GNB1: variants seen among roughly 807,000 people sequenced by gnomAD.
GNB1 encodes guanine nucleotide-binding protein G(I)/G(S)/G(T) subunit beta-1.
In GNB1, 2 loss-of-function variants were observed where a neutral mutation model predicts 42.9. The ratio of observed to expected loss-of-function variants is 0.05; its 90% CI spans 0.02 to 0.15. GNB1 has a LOEUF of 0.15. Ranked by LOEUF, GNB1 falls within the 10% of genes least tolerant of loss-of-function variation. GNB1 has a pLI of 1.00. For missense variants in GNB1, 193 were observed against 462.2 expected, an observed-to-expected ratio of 0.42 and a Z score of 5.34; for synonymous variants, 183 against 174.7, an observed-to-expected ratio of 1.05 and a Z score of -0.38.
chr1:1,882,001 C>T lies in GNB1; in HGVS notation c.-96+8819G>A, dbSNP rs1649873916. Among the ~76,000 whole-genome samples, 2 of 152,102 alleles carry T rather than the reference C, an allele frequency of 1.3e-5. 1 individual carries two copies. Among genetic ancestry groups the T allele is most frequent in the South Asian group, 4.1e-4 (2 of 4,820 alleles). ...CAAAGCTTTTTTTAATGAGAAGCTG[C>T]CACTGAACTCTGGACAGGGTGGTGT... On this transcript the variant is annotated intron_variant, in intron 1 of 11. Coordinates refer to ENST00000378609, the MANE Select transcript of GNB1 (RefSeq NM_002074.5).
chr1:1,831,555 TC>T (rs769962221), intron 2 of GNB1, among the ~76,000 whole-genome samples: 220 of 152,018 alleles, frequency 1.4e-3, no homozygotes, highest in Non-Finnish European at 2.7e-3. Context: ...TTCAAGCGAT[TC>T]TCCTTCCTCA....
intron 1 of GNB1, among the ~76,000 whole-genome samples, chr1:1,865,123 G>A (rs1341559217): frequency 1.3e-5 from 2 of 151,412 alleles, no homozygotes; most frequent in Admixed American, 6.6e-5. Flanking sequence ...TTAGCCAGGC[G>A]TGGTGGCGGG....
rs1380160228 is a variant in GNB1, at chr1:1,885,549, A to ATTTTTTT, written c.-96+5270_-96+5271insAAAAAAA. On this transcript the variant is annotated intron_variant, in intron 1 of 11. Transcript: ENST00000378609. ...ATAAATAAGGAAATACTTCCACTTA[A>ATTTTTTT]TCTTTTTTTTTTTTTTTTTTTTTGT... 8.7e-4 allele frequency among the ~76,000 whole-genome samples: 122 copies of ATTTTTTT among 140,688 alleles called. 2 individuals are homozygous for ATTTTTTT. The highest frequency in any genetic ancestry group is 3.0e-3 in the African/African-American group (119 of 39,192). 92.3% of individuals were successfully genotyped at this position (140,688 alleles called of 152,430 possible).
intron 2 of GNB1, among the ~76,000 whole-genome samples, chr1:1,831,258 GT>G (rs1647071734): frequency 6.6e-6 from 1 of 151,890 alleles, no homozygotes; most frequent in Non-Finnish European, 1.5e-5. Flanking sequence ...GATCGCTTGA[GT>G]CCAGGAGTTC....
chr1:1,799,702 C>G (rs1646598772), intron 7 of GNB1, among the ~76,000 whole-genome samples: 1 of 152,130 alleles, frequency 6.6e-6, no homozygotes, highest in African/African-American at 2.4e-5. Flanking sequence ...GAGGAGTCTC[C>G]CCTGGGAGAA....
At chr1:1,882,347 G>A (rs1001256423) in intron 1 of GNB1, among the ~76,000 whole-genome samples, 2 of 147,410 alleles carry the variant, frequency 1.4e-5, no homozygotes, top group Non-Finnish European at 3.0e-5. Context: ...AGAAGCGCCT[G>A]AACCTGGGAG....
chr1:1,838,467 C>T (rs1325398745), intron 2 of GNB1, among the ~76,000 whole-genome samples: 3 of 143,918 alleles, frequency 2.1e-5, no homozygotes, highest in South Asian at 2.2e-4. Context: ...TTTTTTGAGA[C>T]GGAGTCTCGC....
intron 4 of GNB1, 131 bp from the exon 5 acceptor site, chr1:1,815,993 T>C (rs191469317): frequency 3.0e-6 from 2 of 659,892 alleles, no homozygotes; most frequent in East Asian, 5.4e-5. Flanking sequence ...AGTTCTCCAG[T>C]GGCTTCCACT....
chr1:1,805,983 T>A (rs1299905337), intron 6 of GNB1, among the ~76,000 whole-genome samples: 1 of 152,260 alleles, frequency 6.6e-6, no homozygotes, highest in Non-Finnish European at 1.5e-5. Context: ...ATAAACTGAA[T>A]TACATCTTTT....
At chr1:1,802,032 A>G (rs950788571) in intron 7 of GNB1, among the ~76,000 whole-genome samples, 5 of 152,206 alleles carry the variant, frequency 3.3e-5, no homozygotes, top group Admixed American at 6.5e-5. Context: ...GAGACAACAA[A>G]TGTAAAGGCA....
chr1:1,795,880 A>G (rs1445545468), intron 7 of GNB1, among the ~76,000 whole-genome samples: 2 of 152,176 alleles, frequency 1.3e-5, no homozygotes, highest in African/African-American at 4.8e-5. Flanking sequence ...TGAACCCTAA[A>G]ATCACAGCTC....
chr1:1,872,473 C>T (rs1286376704), intron 1 of GNB1, among the ~76,000 whole-genome samples: 4 of 152,298 alleles, frequency 2.6e-5, no homozygotes, highest in South Asian at 2.1e-4. Context: ...TGCCTGAGGC[C>T]GTGTGGCCAA....
In GNB1 at chr1:1,785,869, G is replaced by A. The variant is rs1194959162; in HGVS notation, c.*1194C>T. On this transcript the variant is annotated 3_prime_UTR_variant, in exon 12 of 12. Transcript: ENST00000378609. Reference sequence around the variant, plus strand: ...CCGCTACCCAAGCGTGTAGAGCCGCGCGCTGTACTGCTTCCGATATGTGCC... The same window carrying A: ...CCGCTACCCAAGCGTGTAGAGCCGCACGCTGTACTGCTTCCGATATGTGCC... The A allele has an allele frequency of 1.8e-5, 7 of 392,666 alleles. No homozygotes were observed. The highest frequency in any genetic ancestry group is 2.7e-5 in the Non-Finnish European group (6 of 222,564). 24.3% of individuals were successfully genotyped at this position (392,666 alleles called of 1,614,324 possible).
chr1:1,840,714 C>T (rs1331985568), intron 1 of GNB1, among the ~76,000 whole-genome samples: 1 of 152,176 alleles, frequency 6.6e-6, no homozygotes, highest in African/African-American at 2.4e-5. Context: ...ACTTCCAATC[C>T]CTCCCTCTGT....
chr1:1,837,466 G>A (rs903259532), intron 2 of GNB1, among the ~76,000 whole-genome samples: 1 of 151,740 alleles, frequency 6.6e-6, no homozygotes, highest in South Asian at 2.1e-4. Flanking sequence ...GTGTTAGCCA[G>A]GATGGTCTCG....
chr1:1,786,740 A>G lies in GNB1; in HGVS notation c.*323T>C, dbSNP rs898302553. ...GGAAAAGTGTGTCTGTCTGACAATT[A>G]CACTCAAGTTTACCTTCTGGTTAAC... On this transcript the variant is annotated 3_prime_UTR_variant, in exon 12 of 12. Transcript: ENST00000378609. 1.3e-5 allele frequency: 2 copies of G among 152,282 alleles called. No individual in the cohort carries two copies. The highest frequency in any genetic ancestry group is 1.9e-4 in the East Asian group (1 of 5,202). The allele number at this position is 152,282 out of a possible 1,614,324, so 9.4% of individuals were successfully genotyped here. A position where few individuals can be genotyped will look rare whatever the true frequency, so the allele number is the denominator to read the frequency against.
At chr1:1,811,545 A>AC (rs1646779666) in intron 5 of GNB1, among the ~76,000 whole-genome samples, 1 of 151,410 alleles carries the variant, frequency 6.6e-6, no homozygotes. Flanking sequence ...AGACAAAAAA[A>AC]ATTAGCCGGG....
At chr1:1,834,002 G>A (rs977766934) in intron 2 of GNB1, among the ~76,000 whole-genome samples, 2 of 152,090 alleles carry the variant, frequency 1.3e-5, no homozygotes, top group East Asian at 3.9e-4. Context: ...CAGGCAGGTC[G>A]GTTAGTCTGT....
intron 5 of GNB1, 39 bp from the exon 6 acceptor site, chr1:1,806,577 C>A (rs1570644241): frequency 1.4e-6 from 2 of 1,390,788 alleles, no homozygotes; most frequent in East Asian, 2.3e-5. Flanking sequence ...CAGTACCGCA[C>A]AACACAGAAA....
Sources: allele counts gnomAD v4.1 joint callset (sites outside exome capture counted in the v4.1 genomes callset), GRCh38; gene constraint gnomAD v4.1.1; transcripts MANE v1.5; gene names NCBI Gene and HGNC (gene_info 2026-07-23, HGNC 2026-07-21).